The following WNT2B variants were observed in gnomAD, a reference collection of about 807,000 sequenced individuals.
WNT2B encodes the protein Wnt family member 2B, also known as protein Wnt-2b.
Under a neutral mutation model 40.5 loss-of-function variants are expected in WNT2B, and 19 were observed. The ratio of observed to expected loss-of-function variants is 0.47; its 90% CI spans 0.33 to 0.69. The LOEUF (loss-of-function observed/expected upper bound fraction) is 0.69. WNT2B is among the 30% of genes least tolerant of loss of function. The probability of loss-of-function intolerance (pLI) is 0.02; values close to 1 mark genes in which losing one functional copy is unlikely to be tolerated. For synonymous variants in WNT2B, 220 were observed against 211.9 expected, an observed-to-expected ratio of 1.04 and a Z score of -0.33; for missense variants, 467 against 556.4, an observed-to-expected ratio of 0.84 and a Z score of 1.62.
intron 1 of WNT2B, among the ~76,000 whole-genome samples, chr1:112,483,821 T>C (rs953110620): frequency 7.0e-6 from 1 of 143,318 alleles, no homozygotes; most frequent in East Asian, 2.0e-4. Flanking sequence ...AAAAAATAAA[T>C]AAATAACCCT....
intron 1 of WNT2B, among the ~76,000 whole-genome samples, chr1:112,468,779 C>T (rs1650784786): frequency 6.6e-6 from 1 of 152,098 alleles, no homozygotes; most frequent in South Asian, 2.1e-4. Flanking sequence ...TTGATTGTTT[C>T]TTCTGCTACA....
Position 112,509,006 on chromosome 1 carries a change from T to G in WNT2B, c.-257T>G. Reference sequence around the variant, plus strand: ...GCTCCCTTCAGCGCCGCAGACCCCCTGACACCGCACCCGGTCCTCAGGCAG... The same window carrying G: ...GCTCCCTTCAGCGCCGCAGACCCCCGGACACCGCACCCGGTCCTCAGGCAG... On this transcript the variant is annotated 5_prime_UTR_variant, in exon 1 of 5. Coordinates refer to ENST00000369684, the MANE Select transcript of WNT2B (RefSeq NM_024494.3). The surrounding 1 kb of genome is among the most constrained non-coding windows in gnomAD (Gnocchi z 4.2). The G allele has an allele frequency of 7.5e-7, 1 of 1,335,882 alleles. No homozygotes were observed. The highest frequency in any genetic ancestry group is 9.5e-7 in the Non-Finnish European group (1 of 1,051,946). 82.8% of individuals were successfully genotyped at this position (1,335,882 alleles called of 1,614,324 possible). A position where few individuals can be genotyped will look rare whatever the true frequency, so the allele number is the denominator to read the frequency against.
chr1:112,517,094 C>T (rs533115329), intron 3 of WNT2B, 27 bp from the exon 4 acceptor site: 2 of 1,601,154 alleles, frequency 1.2e-6, no homozygotes, highest in Admixed American at 1.7e-5. Context: ...AGCTACTTCT[C>T]CCTTAACTGC....
At chr1:112,482,213 G>A (rs1199734520) in intron 1 of WNT2B, among the ~76,000 whole-genome samples, 2 of 152,026 alleles carry the variant, frequency 1.3e-5, no homozygotes, top group African/African-American at 4.8e-5. Flanking sequence ...CAACTATTTG[G>A]GAGGCTGATG....
intron 3 of WNT2B, among the ~76,000 whole-genome samples, chr1:112,516,734 T>C (rs990325377): frequency 3.9e-5 from 6 of 152,210 alleles, no homozygotes; most frequent in African/African-American, 1.4e-4. Context: ...TCCCTGGTAT[T>C]TGAACATCTT....
Position 112,509,037 on chromosome 1 carries a change from C to T in WNT2B, c.-226C>T, listed in dbSNP as rs1652235481. On this transcript the variant is annotated 5_prime_UTR_variant, in exon 1 of 5. Transcript: ENST00000369684. The surrounding 1 kb of genome is among the most constrained non-coding windows in gnomAD (Gnocchi z 4.2). ...CGCACCCGGTCCTCAGGCAGCGCGC[C>T]CCAGACCCCGGGTTCGGCACGCCGT... 7.4e-7 allele frequency: 1 copy of T among 1,355,292 alleles called. No individual in the cohort carries two copies. Among genetic ancestry groups the T allele is most frequent in the African/African-American group, 1.5e-5 (1 of 65,002 alleles). 84.0% of individuals were successfully genotyped at this position (1,355,292 alleles called of 1,614,324 possible). A position where few individuals can be genotyped will look rare whatever the true frequency, so the allele number is the denominator to read the frequency against.
At chr1:112,504,539 G>T (rs150413521), upstream of WNT2B, among the ~76,000 whole-genome samples, 1 of 152,158 alleles carries the variant, frequency 6.6e-6, no homozygotes, top group Non-Finnish European at 1.5e-5. Flanking sequence ...TGTACAAAGC[G>T]TGGATCCCCA....
intron 1 of WNT2B, chr1:112,491,131 C>A: frequency 6.4e-7 from 1 of 1,556,774 alleles, no homozygotes; most frequent in Non-Finnish European, 8.8e-7. Context: ...AATAAATTGG[C>A]CTGCACGGTG....
intron 4 of WNT2B, 26 bp downstream of exon 4, chr1:112,517,411 A>T (rs1652613415): frequency 1.3e-6 from 2 of 1,583,408 alleles, no homozygotes; most frequent in Admixed American, 3.4e-5. Flanking sequence ...AGGCAGGGAC[A>T]TGCAGTCCCA....
In WNT2B at chr1:112,500,612, A is replaced by T. The variant is rs537487132; in HGVS notation, c.-94-14262A>T. ...TAGTGAGACCCCGTCACTAAAAAAA[A>T]TTTTTTTTAATTATTTAGGCATGGT... On this transcript the variant is annotated intron_variant, in intron 1 of 4. Coordinates refer to the WNT2B transcript ENST00000256640. Among the ~76,000 whole-genome samples, 50 of 146,884 alleles carry T rather than the reference A, an allele frequency of 3.4e-4. No homozygotes were observed. In the South Asian group the frequency reaches 5.6e-3, roughly 16 times the overall value.
Position 112,520,380 on chromosome 1 carries a change from C to T in WNT2B, c.1047C>T (p.Val349=). 3 of 1,614,146 alleles carry T rather than the reference C, an allele frequency of 1.9e-6. No homozygotes were observed. Among genetic ancestry groups the T allele is most frequent in the African/African-American group, 1.3e-5 (1 of 75,024 alleles). ...GCCGAGGGTACGACACAACTCGAGT[C>T]ACCCGTGTTACCCAGTGTGAGTGCA... is the stretch of plus-strand genomic sequence containing the variant. ...CCGRGYDTTR[V]TRVTQCECKF... is the part of the protein sequence containing the mutation. Residue 349 remains valine, a synonymous_variant, in exon 5 of 5, where the codon GTC becomes GTT. Transcript: ENST00000369684.
intron 1 of WNT2B, among the ~76,000 whole-genome samples, chr1:112,500,316 A>C (rs59063619): frequency 3.3e-5 from 5 of 152,166 alleles, no homozygotes; most frequent in African/African-American, 9.7e-5. Context: ...ATTTGCAAAA[A>C]TGTTAAATAA....
At chr1:112,484,076 C>T (rs1651320626) in intron 1 of WNT2B, among the ~76,000 whole-genome samples, 2 of 147,716 alleles carry the variant, frequency 1.4e-5, no homozygotes, top group African/African-American at 4.9e-5. Flanking sequence ...ACCTGAGCAA[C>T]ATAGTGAGAC....
chr1:112,520,253 TCTCA>T (rs764986548), intron 4 of WNT2B, 23 bp from the exon 5 acceptor site: 1 of 1,600,508 alleles, frequency 6.2e-7, no homozygotes, highest in Non-Finnish European at 8.5e-7. Flanking sequence ...ATAACTTTGT[TCTCA>T]CTCCCTCTCT....
chr1:112,520,723 C>T lies in WNT2B; in HGVS notation c.*214C>T. 5.1e-6 allele frequency: 3 copies of T among 592,914 alleles called. No individual in the cohort carries two copies. The allele number at this position is 592,914 out of a possible 1,614,324, so 36.7% of individuals were successfully genotyped here. A position where few individuals can be genotyped will look rare whatever the true frequency, so the allele number is the denominator to read the frequency against. On this transcript the variant is annotated 3_prime_UTR_variant, in exon 5 of 5. Coordinates refer to ENST00000369684, the MANE Select transcript of WNT2B (RefSeq NM_024494.3). ...GGATATAAGAAACTGAGCAAGCTCCCTGATTTCCCGCTCTGGAGATTTGAA... is the reference window on the plus strand; with the variant it reads ...GGATATAAGAAACTGAGCAAGCTCCTTGATTTCCCGCTCTGGAGATTTGAA...
At position 112,520,373 on chromosome 1, in the gene WNT2B, C is replaced by T. The variant is rs991259150; in HGVS notation, c.1040C>T (p.Thr347Ile). 1.2e-6 allele frequency: 2 copies of T among 1,614,148 alleles called. No individual in the cohort carries two copies. Among genetic ancestry groups the T allele is most frequent in the Non-Finnish European group, 1.7e-6 (2 of 1,180,034 alleles). ...TGCTGTGGCCGAGGGTACGACACAACTCGAGTCACCCGTGTTACCCAGTGT... is the reference window on the plus strand; with the variant it reads ...TGCTGTGGCCGAGGGTACGACACAATTCGAGTCACCCGTGTTACCCAGTGT... ...IMCCGRGYDT[T>I]RVTRVTQCEC... Residue 347 changes from threonine (T) to isoleucine (I), a missense_variant, in exon 5 of 5, where the codon ACT (threonine) becomes ATT (isoleucine). Thr to Ile is a moderately conservative substitution (Grantham distance 89). Transcript: ENST00000369684.
chr1:112,516,771 A>G (rs759192447), intron 3 of WNT2B, among the ~76,000 whole-genome samples: 3 of 152,210 alleles, frequency 2.0e-5, no homozygotes, highest in Non-Finnish European at 4.4e-5. Context: ...ATGCTGGAAA[A>G]TGGCACACCA....
rs1313889267 is a variant in WNT2B, at chr1:112,517,215, G to A, written c.776G>A (p.Arg259His). ...RTCWRALSDF[R>H]RTGDYLRRRY... ...TGCTGGCGTGCACTCTCAGATTTCC[G>A]CCGCACAGGTGATTACCTGCGGCGA... Residue 259 changes from arginine (R) to histidine (H), a missense_variant, in exon 4 of 5, where the codon CGC becomes CAC. Around this residue, in one of 2 missense-constraint regions of WNT2B, gnomAD observed 330 missense variants for 438.6 expected, o/e 0.75. Coordinates refer to ENST00000369684, the MANE Select transcript of WNT2B (RefSeq NM_024494.3). 12 of 1,614,154 alleles carry A rather than the reference G, an allele frequency of 7.4e-6. No individual in the cohort carries two copies. Among genetic ancestry groups the A allele is most frequent in the East Asian group, 2.2e-5 (1 of 44,880 alleles).
In WNT2B at chr1:112,517,308, G is replaced by A. The variant is rs1247982685; in HGVS notation, c.869G>A (p.Gly290Asp). The A allele has an allele frequency of 6.2e-7, 1 of 1,614,212 alleles. No individual in the cohort carries two copies. Among genetic ancestry groups the A allele is most frequent in the Admixed American group, 1.7e-5 (1 of 60,030 alleles). The change falls in exon 4 of 5, where the codon GGC becomes GAC. Residue 290 changes from glycine to aspartate, a missense_variant. Physicochemically the swap from Gly to Asp is moderately conservative, Grantham distance 94. This residue lies in a region of WNT2B where 330 missense variants were observed against 438.6 expected (regional missense o/e 0.75). Transcript: ENST00000369684. ...DGANFTAARQ[G>D]YRRATRTDLV... ...GCCAACTTCACCGCAGCCCGCCAAG[G>A]CTATCGCCGTGCCACCCGGACTGAT...
Sources: gnomAD v4.1 joint callset for allele counts (sites outside exome capture counted in the v4.1 genomes callset) on GRCh38, gnomAD v4.1.1 for gene constraint, gnomAD v4.1.1 regional missense constraint, Gnocchi (gnomAD v3.1) non-coding constraint, MANE v1.5 for transcripts, NCBI Gene and HGNC (gene_info 2026-07-23, HGNC 2026-07-21) for gene names.